DHX8: variants seen among roughly 807,000 people sequenced by gnomAD.
The protein encoded by DHX8 is DEAH-box helicase 8, also known as ATP-dependent RNA helicase DHX8.
In DHX8, 67 loss-of-function variants were observed where a neutral mutation model predicts 140.7. The observed-to-expected ratio is 0.48, with a 90% confidence interval of 0.39 to 0.58. The LOEUF (loss-of-function observed/expected upper bound fraction) is 0.58. Ranked by LOEUF, DHX8 falls within the 20% of genes least tolerant of loss-of-function variation. The pLI is 0.00. For missense variants in DHX8, 887 were observed against 1,550.7 expected, an observed-to-expected ratio of 0.57 and a Z score of 7.19; for synonymous variants, 533 against 553.2, an observed-to-expected ratio of 0.96 and a Z score of 0.51.
At chr17:43,502,035 A>G (rs919447595) in intron 11 of DHX8, among the ~76,000 whole-genome samples, 11 of 152,190 alleles carry the variant, frequency 7.2e-5, no homozygotes, top group Non-Finnish European at 1.3e-4. Context: ...TGGTATGAGC[A>G]CTAGGATGAA....
intron 3 of DHX8, 54 bp downstream of exon 3, chr17:43,490,517 A>G: frequency 7.1e-7 from 1 of 1,398,818 alleles, no homozygotes; most frequent in Non-Finnish European, 9.9e-7. Flanking sequence ...GGTTTTGAAC[A>G]TCCTGTAAAT....
Position 43,492,727 on chromosome 17 carries a change from C to G in DHX8, c.550C>G (p.Arg184Gly). ...GCGGAGTCGAAGCCGAGATCGAAAC[C>G]GAGATCGAGACAGAGATAGGGAACG... ...KKRSRSRDRN[R>G]DRDRDRERNR... The change falls in exon 6 of 23, where the codon CGA (arginine) becomes GGA (glycine). Residue 184 changes from arginine to glycine, a missense_variant. This residue lies in a region of DHX8 where 304 missense variants were observed against 306.9 expected (regional missense o/e 0.99). Coordinates refer to ENST00000262415, the MANE Select transcript of DHX8 (RefSeq NM_004941.3). The G allele has an allele frequency of 6.2e-7, 1 of 1,612,322 alleles. No individual in the cohort carries two copies. Among genetic ancestry groups the G allele is most frequent in the Non-Finnish European group, 8.5e-7 (1 of 1,178,398 alleles).
chr17:43,533,735 T>A, intron 2 of DHX8: 4 of 1,262,082 alleles, frequency 3.2e-6, no homozygotes, highest in Non-Finnish European at 4.4e-6. Flanking sequence ...TCCTTACAAG[T>A]GCTAGAAAAT....
At chr17:43,530,819 C>T (rs1295958049), downstream of DHX8, among the ~76,000 whole-genome samples, 1 of 151,968 alleles carries the variant, frequency 6.6e-6, no homozygotes, top group Non-Finnish European at 1.5e-5. Context: ...CCAACCCCTT[C>T]CCGCCCTCCC....
Position 43,525,169 on chromosome 17 carries a change from T to G in DHX8, c.*1322T>G. On this transcript the variant is annotated 3_prime_UTR_variant, in exon 23 of 23. Coordinates refer to ENST00000262415, the MANE Select transcript of DHX8 (RefSeq NM_004941.3). Reference sequence around the variant, plus strand: ...GGTTTCGGAACTTACGGAAAGCTGGTCTGGATGTAGTGCTTGTAGAGAAGC... The same window carrying G: ...GGTTTCGGAACTTACGGAAAGCTGGGCTGGATGTAGTGCTTGTAGAGAAGC... 4 of 985,464 alleles carry G rather than the reference T, an allele frequency of 4.1e-6. No homozygotes were observed. Among genetic ancestry groups the G allele is most frequent in the Non-Finnish European group, 4.8e-6 (4 of 829,970 alleles). The allele number at this position is 985,464 out of a possible 1,614,324, so 61.0% of individuals were successfully genotyped here.
At chr17:43,536,212 A>C in intron 2 of DHX8, 3 of 589,256 alleles carry the variant, frequency 5.1e-6, no homozygotes, top group Non-Finnish European at 9.1e-6. Context: ...GGAGAACCAG[A>C]GGGATAGTGT....
chr17:43,484,669 C>T (rs1274230985), intron 1 of DHX8, among the ~76,000 whole-genome samples: 3 of 152,112 alleles, frequency 2.0e-5, no homozygotes, highest in African/African-American at 7.2e-5. Context: ...TGAGGCAGGG[C>T]CTCGCTCTGT....
At chr17:43,529,748 G>A (rs926602619), downstream of DHX8, 9 of 1,590,872 alleles carry the variant, frequency 5.7e-6, no homozygotes, top group African/African-American at 1.2e-4. Flanking sequence ...TCCCACCCGA[G>A]GGATTTCTCG....
chr17:43,513,317 C>G, intron 16 of DHX8, 45 bp from the exon 17 acceptor site: 1 of 1,600,608 alleles, frequency 6.2e-7, no homozygotes, highest in South Asian at 1.1e-5. Flanking sequence ...CACCTCAGGG[C>G]TGAGCCTGGG....
At chr17:43,533,372 G>C in intron 2 of DHX8, 1 of 1,600,644 alleles carries the variant, frequency 6.2e-7, no homozygotes, top group Non-Finnish European at 8.6e-7. Flanking sequence ...GGAGACAGGG[G>C]TGAGGGGGCA....
At chr17:43,497,300 A>G (rs1342088817) in intron 9 of DHX8, among the ~76,000 whole-genome samples, 2 of 151,560 alleles carry the variant, frequency 1.3e-5, no homozygotes, top group South Asian at 2.1e-4. Context: ...TAGAGTGTTT[A>G]TATATAAATT....
intron 3 of DHX8, among the ~76,000 whole-genome samples, chr17:43,539,935 GT>G (rs1387977654): frequency 3.3e-5 from 5 of 152,350 alleles, no homozygotes; most frequent in African/African-American, 1.2e-4. Flanking sequence ...GGGAGAGGGA[GT>G]TTAACAATCA....
chr17:43,492,390 C>A, intron 5 of DHX8, 98 bp downstream of exon 5: 1 of 832,634 alleles, frequency 1.2e-6, no homozygotes, highest in African/African-American at 1.7e-5. Flanking sequence ...TTTACAGAAT[C>A]TGGACTGGTC....
rs566318920 is a variant in DHX8, at chr17:43,533,335, G to A, written c.351-3077G>A. Reference sequence around the variant, plus strand: ...GGGGACTTGATGGCGATTTGTCTGGGGGGGTCATAGGCACTGGAGTTGAGA... The same window carrying A: ...GGGGACTTGATGGCGATTTGTCTGGAGGGGTCATAGGCACTGGAGTTGAGA... On this transcript the variant is annotated intron_variant, in intron 2 of 3. Transcript: ENST00000589898. 1 of 1,613,496 alleles carries A rather than the reference G, an allele frequency of 6.2e-7. No individual in the cohort carries two copies. Among genetic ancestry groups the A allele is most frequent in the Admixed American group, 1.7e-5 (1 of 60,002 alleles).
chr17:43,485,882 T>G (rs915396493), intron 1 of DHX8, among the ~76,000 whole-genome samples: 3 of 152,218 alleles, frequency 2.0e-5, no homozygotes, highest in African/African-American at 7.2e-5. Flanking sequence ...CATACAGAAT[T>G]ATAAAACCAG....
exon 3 of DHX8, chr17:43,536,497 A>G (rs1419056566): frequency 6.2e-7 from 1 of 1,614,042 alleles, no homozygotes; most frequent in East Asian, 2.2e-5. Flanking sequence ...GAGAAGTCAG[A>G]GGTGAGTTTG....
At chr17:43,526,378 A>G (rs1386210458), downstream of DHX8, 1 of 1,490,260 alleles carries the variant, frequency 6.7e-7, no homozygotes, top group Non-Finnish European at 8.9e-7. Context: ...CTGTTTGTGT[A>G]TATGGCAGGA....
rs1001104079 is a variant in DHX8, at chr17:43,507,491, C to G, written c.1924-12C>G. 5.0e-6 allele frequency: 8 copies of G among 1,603,694 alleles called. No individual in the cohort carries two copies. The highest frequency in any genetic ancestry group is 1.3e-5 in the African/African-American group (1 of 74,712). ...TTTGTATCCTAGGTTTTCCCCTTCT[C>G]TTCTGCTTTAGGTGGGCTACACCAT... On this transcript the variant is annotated splice_polypyrimidine_tract_variant and intron_variant, in intron 13 of 22. Transcript: ENST00000262415.
intron 3 of DHX8, among the ~76,000 whole-genome samples, chr17:43,539,813 T>C (rs1458068912): frequency 6.6e-6 from 1 of 152,240 alleles, no homozygotes; most frequent in Non-Finnish European, 1.5e-5. Flanking sequence ...GGTTGTGATA[T>C]GTTGCTTGGC....
Sources: allele counts gnomAD v4.1 joint callset (sites outside exome capture counted in the v4.1 genomes callset), GRCh38; gene constraint gnomAD v4.1.1; regional missense constraint gnomAD v4.1.1; transcripts MANE v1.5; gene names NCBI Gene and HGNC (gene_info 2026-07-23, HGNC 2026-07-21).